IL15: variants seen among roughly 807,000 people sequenced by gnomAD.
IL15 encodes interleukin-15.
Under a neutral mutation model 19.6 loss-of-function variants are expected in IL15, and 11 were observed. That is an observed-to-expected ratio of 0.56 (90% CI 0.35 to 0.93). The LOEUF (loss-of-function observed/expected upper bound fraction) is 0.93. IL15 is among the 40% of genes least tolerant of loss of function. The pLI is 0.01. For synonymous variants in IL15, 58 were observed against 59.6 expected, an observed-to-expected ratio of 0.97 and a Z score of 0.12; for missense variants, 197 against 186.5, an observed-to-expected ratio of 1.06 and a Z score of -0.33.
chr4:141,681,750 A>G (rs1728539423), intron 2 of IL15, among the ~76,000 whole-genome samples: 1 of 152,218 alleles, frequency 6.6e-6, no homozygotes, highest in Admixed American at 6.5e-5. Context: ...TTACCCTATT[A>G]TAAGACTTTC....
rs556472086 is a variant in IL15, at chr4:141,671,720, G to T, written c.-100+15413G>T. ...ATGGCAAGGCCTCTTGGGACCTAGA[G>T]TTGGAAGTCACACATTATTTTTGCC... On this transcript the variant is annotated intron_variant, in intron 2 of 7. Transcript: ENST00000320650. Among the ~76,000 whole-genome samples, 4 of 152,312 alleles carry T rather than the reference G, an allele frequency of 2.6e-5. No homozygotes were observed. The South Asian group carries it at 6.2e-4, about 24-fold the overall frequency.
chr4:141,732,266 C>A (rs975625510), intron 7 of IL15, among the ~76,000 whole-genome samples: 1 of 152,068 alleles, frequency 6.6e-6, no homozygotes, highest in African/African-American at 2.4e-5. Context: ...ATGAATGTAA[C>A]AGAGAGAAAA....
At chr4:141,673,159 G>T (rs1442524294) in intron 2 of IL15, among the ~76,000 whole-genome samples, 1 of 152,106 alleles carries the variant, frequency 6.6e-6, no homozygotes, top group Non-Finnish European at 1.5e-5. Context: ...AATTAATTTG[G>T]GGTAGAATGT....
chr4:141,714,493 A>C, intron 2 of IL15, among the ~76,000 whole-genome samples: 1 of 152,246 alleles, frequency 6.6e-6, no homozygotes, highest in East Asian at 1.9e-4. Context: ...CTGCACTAGC[A>C]TCTTAAAAAC....
chr4:141,637,633 T>A (rs1299289004), intron 1 of IL15, among the ~76,000 whole-genome samples: 1 of 152,194 alleles, frequency 6.6e-6, no homozygotes. Context: ...ATTCCATGCA[T>A]TAAAAACTAT....
chr4:141,729,989 G>A lies in IL15; in HGVS notation c.378+5G>A. ...AACAGTTTGTCTTCTAATGGGGTGAGTTTTCCAACAGTTGCTTAGAGTTGC... is the reference window on the plus strand; with the variant it reads ...AACAGTTTGTCTTCTAATGGGGTGAATTTTCCAACAGTTGCTTAGAGTTGC... On this transcript the variant is annotated splice_donor_5th_base_variant and intron_variant, in intron 7 of 7. Coordinates refer to ENST00000320650, the MANE Select transcript of IL15 (RefSeq NM_000585.5). The A allele has an allele frequency of 6.2e-7, 1 of 1,607,660 alleles. No homozygotes were observed. Among genetic ancestry groups the A allele is most frequent in the Non-Finnish European group, 8.5e-7 (1 of 1,174,612 alleles).
chr4:141,684,303 T>C (rs890740272), intron 2 of IL15, among the ~76,000 whole-genome samples: 2 of 152,228 alleles, frequency 1.3e-5, no homozygotes, highest in Non-Finnish European at 2.9e-5. Flanking sequence ...GATTAGGATC[T>C]TAGTTTATCT....
intron 2 of IL15, among the ~76,000 whole-genome samples, chr4:141,661,763 A>T (rs552896817): frequency 3.9e-4 from 59 of 152,082 alleles, no homozygotes; most frequent in Non-Finnish European, 7.2e-4. Flanking sequence ...GCACTCCCTT[A>T]TATTGGCTCC....
At chr4:141,692,962 C>G (rs1728964434) in intron 2 of IL15, among the ~76,000 whole-genome samples, 1 of 140,352 alleles carries the variant, frequency 7.1e-6, no homozygotes, top group Non-Finnish European at 1.5e-5. Flanking sequence ...AAGGTACTAC[C>G]TGAGCGCCAC....
intron 2 of IL15, among the ~76,000 whole-genome samples, chr4:141,709,915 T>A (rs151075939): frequency 2.6e-5 from 4 of 152,150 alleles, no homozygotes; most frequent in African/African-American, 9.6e-5. Context: ...CAACCCTTGT[T>A]CTCCTCCCAC....
chr4:141,684,127 C>T (rs1728632541), intron 2 of IL15, among the ~76,000 whole-genome samples: 1 of 152,124 alleles, frequency 6.6e-6, no homozygotes, highest in African/African-American at 2.4e-5. Context: ...TAATTACGAC[C>T]CAGCCTGTAC....
At chr4:141,641,520 G>A (rs1160777669) in intron 1 of IL15, among the ~76,000 whole-genome samples, 2 of 152,050 alleles carry the variant, frequency 1.3e-5, no homozygotes, top group African/African-American at 4.8e-5. Context: ...CATAAAAAAG[G>A]ATGAGTTCAT....
intron 2 of IL15, among the ~76,000 whole-genome samples, chr4:141,680,098 G>A (rs1728483980): frequency 6.6e-6 from 1 of 152,206 alleles, no homozygotes. Context: ...TAATGCAGGG[G>A]AAAACAGCTG....
chr4:141,670,831 C>G (rs1260792668), intron 2 of IL15, among the ~76,000 whole-genome samples: 1 of 152,056 alleles, frequency 6.6e-6, no homozygotes, highest in Non-Finnish European at 1.5e-5. Context: ...GAAACATTGG[C>G]AAATTGGAGC....
At chr4:141,664,392 A>AC (rs1553987469) in intron 2 of IL15, among the ~76,000 whole-genome samples, 10 of 112,736 alleles carry the variant, frequency 8.9e-5, no homozygotes, top group East Asian at 2.7e-4. Flanking sequence ...CACACACACA[A>AC]AACCAACAAC....
rs140624713 is a variant in IL15, at chr4:141,666,852, G to GA, written c.-100+10550dup. On this transcript the variant is annotated intron_variant, in intron 2 of 7. Coordinates refer to ENST00000320650, the MANE Select transcript of IL15 (RefSeq NM_000585.5). ...AAGGAATGCTGCACAGAGAGGCCAA[G>GA]AAAAATCTAAACAGTCCTTGCTGGG... Among the ~76,000 whole-genome samples, 184 of 152,284 alleles carry GA rather than the reference G, an allele frequency of 1.2e-3. 2 individuals carry two copies. In the East Asian group the frequency reaches 0.026, roughly 22 times the overall value.
At chr4:141,729,422 C>A (rs1730376464) in intron 6 of IL15, among the ~76,000 whole-genome samples, 1 of 152,078 alleles carries the variant, frequency 6.6e-6, no homozygotes, top group African/African-American at 2.4e-5. Context: ...AACTTTGGAA[C>A]TTGAAAGAAC....
At chr4:141,708,622 G>A (rs186697409) in intron 2 of IL15, among the ~76,000 whole-genome samples, 3 of 152,242 alleles carry the variant, frequency 2.0e-5, no homozygotes, top group East Asian at 1.9e-4. Context: ...ATAAGAAGAA[G>A]TCTCCCTGAC....
intron 2 of IL15, among the ~76,000 whole-genome samples, chr4:141,687,717 T>C (rs970466537): frequency 6.6e-6 from 1 of 152,230 alleles, no homozygotes; most frequent in Non-Finnish European, 1.5e-5. Context: ...TTATTTTATT[T>C]TTAAAAAATT....
Sources: allele counts gnomAD v4.1 joint callset (sites outside exome capture counted in the v4.1 genomes callset), GRCh38; gene constraint gnomAD v4.1.1; transcripts MANE v1.5; gene names NCBI Gene and HGNC (gene_info 2026-07-23, HGNC 2026-07-21).